NR3C1: variants seen among roughly 807,000 people sequenced by gnomAD.
The protein encoded by NR3C1 is nuclear receptor subfamily 3 group C member 1, also known as glucocorticoid receptor.
A neutral mutation model predicts 74.0 loss-of-function variants in NR3C1; 14 were observed. The ratio of observed to expected loss-of-function variants is 0.19; its 90% confidence interval spans 0.12 to 0.30. NR3C1 has a LOEUF of 0.30. NR3C1 is among the 10% of genes least tolerant of loss of function. NR3C1 has a pLI of 1.00. For synonymous variants in NR3C1, 308 were observed against 332.5 expected (o/e 0.93, Z 0.80); for missense variants, 695 against 909.8 (o/e 0.76, Z 3.04).
intron 7 of NR3C1, among the ~76,000 whole-genome samples, chr5:143,283,121 G>A (rs1354397678): frequency 6.6e-6 from 1 of 152,142 alleles, no homozygotes; most frequent in Non-Finnish European, 1.5e-5. Flanking sequence ...CAATCCTCCT[G>A]CCTCGGCCTC....
In NR3C1 at chr5:143,400,459, T is replaced by A; in HGVS notation, c.381A>T (p.Ala127=). ...GAACACTGGTCGACCTATTGAGGTT[T>A]GCAATGCTTTCTTCCAAAAGCTTTA... ...TDLKLLEESI[A]NLNRSTSVPE... is the part of the protein sequence containing the mutation. The change falls in exon 2 of 9, where the codon GCA becomes GCT. Residue 127 remains alanine (A), a synonymous_variant. Transcript: ENST00000394464. 6.2e-7 allele frequency: 1 copy of A among 1,614,230 alleles called. No homozygotes were observed. The highest frequency in any genetic ancestry group is 1.1e-5 in the South Asian group (1 of 91,082).
intron 7 of NR3C1, among the ~76,000 whole-genome samples, chr5:143,283,627 G>A (rs1334680426): frequency 6.6e-6 from 1 of 152,152 alleles, no homozygotes; most frequent in East Asian, 1.9e-4. Context: ...ATATGTCTTA[G>A]TAGGGAGCAA....
chr5:143,406,055 T>C (rs994437087), upstream of NR3C1, among the ~76,000 whole-genome samples: 3 of 152,026 alleles, frequency 2.0e-5, no homozygotes, highest in African/African-American at 7.2e-5. Context: ...TAATTATCCT[T>C]GTACACTGCT....
In NR3C1 at chr5:143,342,128, GA is replaced by G. The variant is rs566733744; in HGVS notation, c.1185-27961del. ...AAAGGTGCCATGCAGGTGTTTCACAGAAAAAAAAAAACCAAGAAACTATTAC... is the reference window on the plus strand; with the variant it reads ...AAAGGTGCCATGCAGGTGTTTCACAGAAAAAAAAAACCAAGAAACTATTAC... On this transcript the variant is annotated intron_variant, in intron 2 of 8. Coordinates refer to ENST00000394464, the MANE Select transcript of NR3C1 (RefSeq NM_000176.3). Among the ~76,000 whole-genome samples the G allele has an allele frequency of 1.1e-3, 156 of 144,516 alleles. 1 individual carries two copies. Among genetic ancestry groups the G allele is most frequent in the African/African-American group, 3.5e-3 (139 of 39,662 alleles). The allele number at this position is 144,516 out of a possible 152,430, so 94.8% of individuals were successfully genotyped here. A position where few individuals can be genotyped will look rare whatever the true frequency, so the allele number is the denominator to read the frequency against.
At chr5:143,428,890 T>G (rs1402253279) in intron 1 of NR3C1, among the ~76,000 whole-genome samples, 1 of 152,188 alleles carries the variant, frequency 6.6e-6, no homozygotes, top group Non-Finnish European at 1.5e-5. Flanking sequence ...GGGCACACCC[T>G]GCAGACCTTA....
Position 143,279,260 on chromosome 5 carries a change from T to G in NR3C1, c.*2629A>C. 2 of 1,333,666 alleles carry G rather than the reference T, an allele frequency of 1.5e-6. No individual in the cohort carries two copies. The highest frequency in any genetic ancestry group is 2.0e-6 in the Non-Finnish European group (2 of 980,996). 82.6% of individuals were successfully genotyped at this position (1,333,666 alleles called of 1,614,324 possible). A position where few individuals can be genotyped will look rare whatever the true frequency, so the allele number is the denominator to read the frequency against. ...CATTTAATGAAAAGCCTCCTATAGT[T>G]GTCGATGAGCATCAGTTGACTTATT... On this transcript the variant is annotated 3_prime_UTR_variant, in exon 9 of 9. Transcript: ENST00000394464.
intron 6 of NR3C1, 117 bp downstream of exon 6, chr5:143,298,551 A>C (rs1817801597): frequency 8.7e-7 from 1 of 1,148,180 alleles, no homozygotes; most frequent in Non-Finnish European, 1.3e-6. Context: ...CCTAGATCCT[A>C]GATACCTAGT....
chr5:143,396,730 C>T (rs1196249065), intron 2 of NR3C1, among the ~76,000 whole-genome samples: 1 of 151,742 alleles, frequency 6.6e-6, no homozygotes, highest in Non-Finnish European at 1.5e-5. Flanking sequence ...TTTACAAGTT[C>T]ATCCTACATC....
intron 1 of NR3C1, among the ~76,000 whole-genome samples, chr5:143,413,309 G>A (rs1357658032): frequency 6.6e-6 from 1 of 152,110 alleles, no homozygotes. Flanking sequence ...GAATTATGAA[G>A]GGTTTTCTTC....
In NR3C1 at chr5:143,400,098, G is replaced by C; in HGVS notation, c.742C>G (p.Leu248Val). Reference sequence around the variant, plus strand: ...TTGGGTTTAGTGTCCGGTAAAATGAGAGGCTTGCAGTCCTCATTCGAGTTT... The same window carrying C: ...TTGGGTTTAGTGTCCGGTAAAATGACAGGCTTGCAGTCCTCATTCGAGTTT... ...EGNSNEDCKP[L>V]ILPDTKPKIK... is the part of the protein sequence containing the mutation. The change falls in exon 2 of 9, where the codon CTC becomes GTC. Residue 248 changes from leucine (L) to valine (V), a missense_variant. Coordinates refer to ENST00000394464, the MANE Select transcript of NR3C1 (RefSeq NM_000176.3). 6.2e-7 allele frequency: 1 copy of C among 1,614,208 alleles called. No individual in the cohort carries two copies. Among genetic ancestry groups the C allele is most frequent in the Non-Finnish European group, 8.5e-7 (1 of 1,180,042 alleles).
chr5:143,420,271 T>C (rs1751155643), intron 1 of NR3C1, among the ~76,000 whole-genome samples: 1 of 152,104 alleles, frequency 6.6e-6, no homozygotes. Flanking sequence ...GATTAAGAGA[T>C]TAAAGTAAAG....
chr5:143,309,920 G>A (rs1820541242), intron 4 of NR3C1, among the ~76,000 whole-genome samples, 177 bp downstream of exon 4: 1 of 152,032 alleles, frequency 6.6e-6, no homozygotes, highest in Non-Finnish European at 1.5e-5. Context: ...CAAACAATAT[G>A]ACATATTCAT....
intron 4 of NR3C1, among the ~76,000 whole-genome samples, chr5:143,301,019 C>CA (rs1818380096): frequency 6.6e-6 from 1 of 151,894 alleles, no homozygotes; most frequent in South Asian, 2.1e-4. Flanking sequence ...ATTCCTTATA[C>CA]AAAGTATTAT....
At chr5:143,334,442 C>T (rs965586046) in intron 2 of NR3C1, among the ~76,000 whole-genome samples, 2 of 152,094 alleles carry the variant, frequency 1.3e-5, no homozygotes, top group African/African-American at 2.4e-5. Context: ...CAGTCTAGTT[C>T]CAAGGAAAAA....
intron 3 of NR3C1, among the ~76,000 whole-genome samples, chr5:143,312,622 T>A (rs1821209318): frequency 6.6e-6 from 1 of 152,202 alleles, no homozygotes; most frequent in African/African-American, 2.4e-5. Context: ...TGTAAGATAT[T>A]TTCAATTCAC....
intron 2 of NR3C1, among the ~76,000 whole-genome samples, chr5:143,390,931 C>T (rs767639567): frequency 5.3e-5 from 8 of 151,920 alleles, no homozygotes; most frequent in Middle Eastern, 3.2e-3. Context: ...GCAATGAGTC[C>T]GATTTTCTTT....
chr5:143,313,574 A>C (rs1307398390), intron 3 of NR3C1, among the ~76,000 whole-genome samples: 1 of 152,128 alleles, frequency 6.6e-6, no homozygotes, highest in Non-Finnish European at 1.5e-5. Flanking sequence ...AAATGAAATG[A>C]ATATCTTTTT....
intron 2 of NR3C1, among the ~76,000 whole-genome samples, chr5:143,377,786 T>G (rs528155084): frequency 6.6e-6 from 1 of 152,360 alleles, no homozygotes; most frequent in South Asian, 2.1e-4. Flanking sequence ...CAAGTAACTG[T>G]CTTTCCCAAA....
intron 2 of NR3C1, among the ~76,000 whole-genome samples, chr5:143,331,612 T>A (rs182328459): frequency 6.6e-6 from 1 of 152,278 alleles, no homozygotes; most frequent in Non-Finnish European, 1.5e-5. Flanking sequence ...ATAAAAAGAA[T>A]GAAATCATGT....
Sources: gnomAD v4.1 joint callset for allele counts (sites outside exome capture counted in the v4.1 genomes callset) on GRCh38, gnomAD v4.1.1 for gene constraint, MANE v1.5 for transcripts, NCBI Gene and HGNC (gene_info 2026-07-23, HGNC 2026-07-21) for gene names.